The following SLC35F4 variants were observed in gnomAD, a reference collection of about 807,000 sequenced individuals.
SLC35F4 encodes the protein solute carrier family 35 member F4.
SLC35F4 carries 24 observed loss-of-function variants against 44.2 expected under a neutral mutation model. The observed-to-expected ratio is 0.54, with a 90% CI of 0.39 to 0.76. The LOEUF (loss-of-function observed/expected upper bound fraction) is 0.76. Ranked by LOEUF, SLC35F4 falls within the 30% of genes least tolerant of loss-of-function variation. The pLI, the probability that SLC35F4 is intolerant of heterozygous loss-of-function variation, is 0.00. For missense variants in SLC35F4, 562 were observed against 586.1 expected, an observed-to-expected ratio of 0.96 and a Z score of 0.42; for synonymous variants, 238 against 223.6, an observed-to-expected ratio of 1.06 and a Z score of -0.57.
intron 1 of SLC35F4, among the ~76,000 whole-genome samples, chr14:57,713,825 T>G (rs553810703): frequency 6.6e-6 from 1 of 152,314 alleles, no homozygotes; most frequent in South Asian, 2.1e-4. Flanking sequence ...TGTAAGAATA[T>G]TGGGAATTCC....
At chr14:57,740,198 C>A (rs1195196226) in intron 1 of SLC35F4, among the ~76,000 whole-genome samples, 1 of 152,058 alleles carries the variant, frequency 6.6e-6, no homozygotes, top group East Asian at 1.9e-4. Context: ...TGGGAGACTA[C>A]TGTATCTAAT....
intron 1 of SLC35F4, among the ~76,000 whole-genome samples, chr14:57,696,580 G>A (rs904864544): frequency 4.6e-5 from 7 of 152,150 alleles, no homozygotes; most frequent in African/African-American, 1.7e-4. Flanking sequence ...ATACCCAAAG[G>A]ATTATAAATC....
chr14:57,829,554 G>T (rs1884134927), intron 1 of SLC35F4, among the ~76,000 whole-genome samples: 1 of 152,168 alleles, frequency 6.6e-6, no homozygotes, highest in Admixed American at 6.6e-5. Flanking sequence ...CAGGAAAGAT[G>T]GTGTCACTCT....
intron 1 of SLC35F4, among the ~76,000 whole-genome samples, chr14:57,730,985 C>T (rs1293100842): frequency 6.6e-6 from 1 of 152,014 alleles, no homozygotes; most frequent in African/African-American, 2.4e-5. Flanking sequence ...GGTAGAATTG[C>T]CAAGGGAGAA....
At chr14:57,705,227 C>T (rs1370775222) in intron 1 of SLC35F4, among the ~76,000 whole-genome samples, 1 of 151,990 alleles carries the variant, frequency 6.6e-6, no homozygotes, top group African/African-American at 2.4e-5. Flanking sequence ...ATCAAACCTA[C>T]TGCAAATGGA....
chr14:57,579,592 T>TC (rs1389594577), intron 4 of SLC35F4: 1 of 152,138 alleles, frequency 6.6e-6, no homozygotes, highest in Non-Finnish European at 1.5e-5. Context: ...ATCTCTCTTC[T>TC]CCCCTCTTCT....
At chr14:57,590,062 T>G (rs2070061018) in intron 2 of SLC35F4, among the ~76,000 whole-genome samples, 1 of 151,498 alleles carries the variant, frequency 6.6e-6, no homozygotes, top group Admixed American at 6.6e-5. Flanking sequence ...GAAATAAATA[T>G]TCGTTTCCAT....
At chr14:57,883,045 A>G (rs1015763374) in intron 1 of SLC35F4, among the ~76,000 whole-genome samples, 4 of 145,656 alleles carry the variant, frequency 2.7e-5, no homozygotes, top group African/African-American at 1.1e-4. Flanking sequence ...GAAGGAGGAG[A>G]AGGGGAGGGG....
intron 1 of SLC35F4, among the ~76,000 whole-genome samples, chr14:57,917,663 C>CT (rs1253593214): frequency 1.3e-5 from 2 of 151,874 alleles, no homozygotes; most frequent in Admixed American, 6.6e-5. Context: ...GTGATTAGGT[C>CT]TTTTTTTCAT....
chr14:57,743,554 A>G (rs996793167), intron 1 of SLC35F4, among the ~76,000 whole-genome samples: 1 of 152,192 alleles, frequency 6.6e-6, no homozygotes, highest in African/African-American at 2.4e-5. Context: ...ATAGACTAAT[A>G]ACAGGCGCTG....
At chr14:57,629,501 G>C (rs970641589) in intron 1 of SLC35F4, among the ~76,000 whole-genome samples, 1 of 152,146 alleles carries the variant, frequency 6.6e-6, no homozygotes, top group East Asian at 1.9e-4. Flanking sequence ...ATATCTTCCA[G>C]AAAAATATGG....
At chr14:57,727,091 G>C (rs548716983) in intron 1 of SLC35F4, among the ~76,000 whole-genome samples, 72 of 151,394 alleles carry the variant, frequency 4.8e-4, no homozygotes, top group African/African-American at 1.6e-3. Flanking sequence ...CCTTGTGATC[G>C]TGTGAGTTAA....
At position 57,877,674 on chromosome 14, in the gene SLC35F4, C is replaced by CTTTTTTTTT. The variant is rs139397949; in HGVS notation, n.282+104230_282+104238dup. Among the ~76,000 whole-genome samples, 30 of 52,424 alleles carry CTTTTTTTTT rather than the reference C, an allele frequency of 5.7e-4. 3 individuals carry two copies. In the East Asian group the frequency reaches 6.1e-3, roughly 11 times the overall value. The allele number at this position is 52,424 out of a possible 152,430, so 34.4% of individuals were successfully genotyped here. A position where few individuals can be genotyped will look rare whatever the true frequency, so the allele number is the denominator to read the frequency against. Reference sequence around the variant, plus strand: ...CTTGCCAGCATCTGTTATTTTTTGACTTTTTTTTTTTTTTTTTTTTTTTTT... The same window carrying CTTTTTTTTT: ...CTTGCCAGCATCTGTTATTTTTTGACTTTTTTTTTTTTTTTTTTTTTTTTTTTTTTTTTT... On this transcript the variant is annotated intron_variant and non_coding_transcript_variant, in intron 1 of 1. Coordinates refer to the SLC35F4 transcript ENST00000556568.
intron 1 of SLC35F4, among the ~76,000 whole-genome samples, chr14:57,971,410 T>G (rs1028700082): frequency 6.6e-6 from 1 of 152,190 alleles, no homozygotes; most frequent in African/African-American, 2.4e-5. Context: ...CATTACTCCA[T>G]GAACTGAAAA....
chr14:57,653,287 C>T (rs780933225), intron 1 of SLC35F4, among the ~76,000 whole-genome samples: 1 of 152,126 alleles, frequency 6.6e-6, no homozygotes, highest in Non-Finnish European at 1.5e-5. Flanking sequence ...GCATGAAAGA[C>T]GACTTCAGTG....
chr14:57,722,157 A>C (rs753024412), intron 1 of SLC35F4, among the ~76,000 whole-genome samples: 16 of 152,178 alleles, frequency 1.1e-4, no homozygotes, highest in Non-Finnish European at 1.6e-4. Context: ...AGGAACACAG[A>C]GTTGGATCAG....
intron 1 of SLC35F4, among the ~76,000 whole-genome samples, chr14:57,600,713 A>AAAAAC (rs1566668053): frequency 3.3e-5 from 4 of 122,260 alleles, no homozygotes; most frequent in African/African-American, 5.9e-5. Context: ...AAAAAAAAAA[A>AAAAAC]AAAAAACCAA....
chr14:57,683,749 G>A (rs1832808603), intron 1 of SLC35F4, among the ~76,000 whole-genome samples: 1 of 152,110 alleles, frequency 6.6e-6, no homozygotes, highest in South Asian at 2.1e-4. Context: ...ACTTGATTCA[G>A]CCTATGACTC....
intron 1 of SLC35F4, among the ~76,000 whole-genome samples, chr14:57,642,364 G>A (rs2073288025): frequency 6.6e-6 from 1 of 151,834 alleles, no homozygotes; most frequent in African/African-American, 2.4e-5. Context: ...TTGTGCTTAG[G>A]TGATCATTTT....
Sources: gnomAD v4.1 joint callset for allele counts (sites outside exome capture counted in the v4.1 genomes callset) on GRCh38, gnomAD v4.1.1 for gene constraint, MANE v1.5 for transcripts, NCBI Gene and HGNC (gene_info 2026-07-23, HGNC 2026-07-21) for gene names.